Variants in CLSTN2 observed in about 807,000 individuals in gnomAD.
CLSTN2 encodes the protein calsyntenin 2.
In CLSTN2, 48 loss-of-function variants were observed where a neutral mutation model predicts 101.2. The observed-to-expected ratio is 0.47, with a 90% CI of 0.38 to 0.60. The LOEUF (loss-of-function observed/expected upper bound fraction) is 0.60, where lower values mean the gene tolerates loss of function less well. Among genes scored for constraint, CLSTN2 ranks in the 20% least tolerant of loss-of-function variants. The probability of loss-of-function intolerance (pLI) is 0.00; values close to 1 mark genes in which losing one functional copy is unlikely to be tolerated. For synonymous variants in CLSTN2, 481 were observed against 463.6 expected, an observed-to-expected ratio of 1.04 and a Z score of -0.48; for missense variants, 1,160 against 1,238.2, an observed-to-expected ratio of 0.94 and a Z score of 0.95.
intron 1 of CLSTN2, among the ~76,000 whole-genome samples, chr3:139,985,587 A>G (rs1412746546): frequency 1.3e-5 from 2 of 152,136 alleles, no homozygotes; most frequent in Non-Finnish European, 2.9e-5. Flanking sequence ...TCCCACGTGC[A>G]TTGTTTTTCC....
At chr3:140,443,394 G>T (rs759959671) in intron 5 of CLSTN2, among the ~76,000 whole-genome samples, 1 of 152,188 alleles carries the variant, frequency 6.6e-6, no homozygotes, top group Non-Finnish European at 1.5e-5. Context: ...CCCCCTGTAG[G>T]CATCTAATAT....
chr3:140,049,843 A>T (rs2007956969), intron 1 of CLSTN2, among the ~76,000 whole-genome samples: 1 of 152,242 alleles, frequency 6.6e-6, no homozygotes, highest in Non-Finnish European at 1.5e-5. Context: ...TTTAATCAAA[A>T]GCATGGAAGC....
chr3:140,346,745 G>A lies in CLSTN2; in HGVS notation c.233-56884G>A, dbSNP rs564680652. On this transcript the variant is annotated intron_variant, in intron 2 of 16. Coordinates refer to ENST00000458420, the MANE Select transcript of CLSTN2 (RefSeq NM_022131.3). ...CAGTGACTCATGCATCTCATGGTGC[G>A]CCCCTGCAAAAATGAGATAATAACA... Among the ~76,000 whole-genome samples the A allele has an allele frequency of 1.3e-4, 20 of 152,194 alleles. 1 individual carries two copies. In the South Asian group the frequency reaches 2.3e-3, roughly 17 times the overall value.
At chr3:140,427,040 G>A (rs1233345869) in intron 5 of CLSTN2, among the ~76,000 whole-genome samples, 2 of 144,816 alleles carry the variant, frequency 1.4e-5, no homozygotes, top group African/African-American at 5.7e-5. Flanking sequence ...GCCAGGCATG[G>A]TGGTGCATGC....
chr3:140,038,622 G>T (rs1454208685), intron 1 of CLSTN2, among the ~76,000 whole-genome samples: 2 of 151,802 alleles, frequency 1.3e-5, no homozygotes, highest in Non-Finnish European at 2.9e-5. Flanking sequence ...TTGAGATAAG[G>T]CTTCTTTTAT....
At chr3:140,304,374 C>T (rs1559833701) in intron 2 of CLSTN2, among the ~76,000 whole-genome samples, 1 of 152,318 alleles carries the variant, frequency 6.6e-6, no homozygotes, top group East Asian at 1.9e-4. Flanking sequence ...GTTGTAGCTG[C>T]TGGGAAGCCC....
chr3:140,257,560 GGGT>G (rs201568342), intron 2 of CLSTN2, among the ~76,000 whole-genome samples: 21,090 of 114,168 alleles, frequency 0.18, 1,702 homozygotes, highest in Non-Finnish European at 0.22. Context: ...TTCTTTCTAG[GGGT>G]GTGTGTGTGT....
At chr3:140,223,525 A>T (rs2086293309) in intron 2 of CLSTN2, among the ~76,000 whole-genome samples, 2 of 151,998 alleles carry the variant, frequency 1.3e-5, no homozygotes, top group South Asian at 4.2e-4. Flanking sequence ...CCGAAGAAGG[A>T]TCCTAGAATG....
chr3:140,330,706 G>A (rs574042938), intron 2 of CLSTN2, among the ~76,000 whole-genome samples: 1 of 152,270 alleles, frequency 6.6e-6, no homozygotes, highest in South Asian at 2.1e-4. Context: ...GGAAGCTTGA[G>A]GCCTGACAAA....
chr3:140,260,135 A>AATAT (rs35851668), intron 2 of CLSTN2, among the ~76,000 whole-genome samples: 75 of 141,128 alleles, frequency 5.3e-4, no homozygotes, highest in Admixed American at 1.1e-3. Flanking sequence ...GTGAAAAAGA[A>AATAT]ATATATATAT....
intron 2 of CLSTN2, among the ~76,000 whole-genome samples, chr3:140,188,490 G>C: frequency 6.6e-6 from 1 of 152,246 alleles, no homozygotes; most frequent in Middle Eastern, 3.4e-3. Context: ...CCAACTCCTC[G>C]TGGCCCTCTG....
At chr3:140,027,478 G>A (rs537795658) in intron 1 of CLSTN2, among the ~76,000 whole-genome samples, 1 of 152,162 alleles carries the variant, frequency 6.6e-6, no homozygotes, top group East Asian at 1.9e-4. Context: ...TCATAGCCTT[G>A]CTGACATTTT....
At chr3:140,303,698 G>A (rs531139353) in intron 2 of CLSTN2, among the ~76,000 whole-genome samples, 89 of 152,010 alleles carry the variant, frequency 5.9e-4, no homozygotes, top group South Asian at 6.3e-4. Flanking sequence ...GGGATCATTC[G>A]GTGTCCCAAC....
intron 2 of CLSTN2, among the ~76,000 whole-genome samples, chr3:140,291,190 A>G (rs900491391): frequency 2.0e-5 from 3 of 152,164 alleles, no homozygotes; most frequent in Middle Eastern, 3.2e-3. Flanking sequence ...TAAAACATAT[A>G]GAAAGAGCCT....
At position 140,403,829 on chromosome 3, in the gene CLSTN2, G is replaced by C; in HGVS notation, c.428+5G>C. The C allele has an allele frequency of 1.2e-6, 2 of 1,605,708 alleles. No individual in the cohort carries two copies. The highest frequency in any genetic ancestry group is 2.2e-5 in the South Asian group (2 of 89,842). On this transcript the variant is annotated splice_donor_5th_base_variant and intron_variant, in intron 3 of 16. Transcript: ENST00000458420. ...AGCCTGGAAAAAGTCACACAAGTGA[G>C]TGGCCTGACAGAGCCCTCTGGACGC...
intron 1 of CLSTN2, among the ~76,000 whole-genome samples, chr3:139,995,475 G>T (rs931777713): frequency 6.6e-6 from 1 of 152,134 alleles, no homozygotes; most frequent in African/African-American, 2.4e-5. Context: ...TTCTTCATTA[G>T]CAGTCTTTTC....
chr3:140,553,197 G>A (rs1010572668), intron 10 of CLSTN2, among the ~76,000 whole-genome samples: 2 of 152,240 alleles, frequency 1.3e-5, no homozygotes, highest in Admixed American at 1.3e-4. Context: ...GGACAGAAGA[G>A]AATTGTGTCA....
intron 2 of CLSTN2, among the ~76,000 whole-genome samples, chr3:140,286,306 A>C (rs1295630842): frequency 6.6e-6 from 1 of 151,798 alleles, no homozygotes; most frequent in Non-Finnish European, 1.5e-5. Flanking sequence ...GTTTTCAAGG[A>C]GATCTGGGGA....
intron 1 of CLSTN2, among the ~76,000 whole-genome samples, chr3:140,022,748 A>T (rs1345378316): frequency 6.6e-6 from 1 of 152,102 alleles, no homozygotes; most frequent in Admixed American, 6.5e-5. Flanking sequence ...GCACAAGGAG[A>T]CAGGTGCTGG....
Sources: allele counts gnomAD v4.1 joint callset (sites outside exome capture counted in the v4.1 genomes callset), GRCh38; gene constraint gnomAD v4.1.1; transcripts MANE v1.5; gene names NCBI Gene and HGNC (gene_info 2026-07-23, HGNC 2026-07-21).